FGF10: variants seen among roughly 807,000 people sequenced by gnomAD.
FGF10 encodes the protein FGF-10.
A neutral mutation model predicts 19.8 loss-of-function variants in FGF10; 2 were observed. The ratio of observed to expected loss-of-function variants is 0.10; its 90% CI spans 0.04 to 0.32. FGF10 has a LOEUF of 0.32. Among genes scored for constraint, FGF10 ranks in the 10% least tolerant of loss-of-function variants. The pLI is 1.00. For synonymous variants in FGF10, 112 were observed against 94.0 expected (o/e 1.19, Z -1.10); for missense variants, 191 against 246.3 (o/e 0.78, Z 1.50).
chr5:44,309,845 C>T (rs988230617), intron 2 of FGF10, among the ~76,000 whole-genome samples: 5 of 152,040 alleles, frequency 3.3e-5, no homozygotes, highest in African/African-American at 1.2e-4. Context: ...GGGATACCTG[C>T]TCCACAAGGA....
At chr5:44,321,213 C>T (rs1293012145) in intron 1 of FGF10, among the ~76,000 whole-genome samples, 1 of 152,144 alleles carries the variant, frequency 6.6e-6, no homozygotes, top group Non-Finnish European at 1.5e-5. Flanking sequence ...AAAGTTGGCA[C>T]ATGTTCCTCT....
chr5:44,338,680 C>T (rs1740903388), intron 1 of FGF10, among the ~76,000 whole-genome samples: 1 of 152,124 alleles, frequency 6.6e-6, no homozygotes, highest in South Asian at 2.1e-4. Context: ...AATGTATCTC[C>T]CCAGATTTGA....
At chr5:44,347,935 A>T (rs894712050) in intron 1 of FGF10, among the ~76,000 whole-genome samples, 9 of 151,744 alleles carry the variant, frequency 5.9e-5, no homozygotes, top group Admixed American at 2.6e-4. Context: ...TGTTGGGAAC[A>T]TGCTATATTT....
intron 1 of FGF10, among the ~76,000 whole-genome samples, chr5:44,366,778 G>A (rs1050028222): frequency 1.3e-5 from 2 of 152,016 alleles, no homozygotes; most frequent in African/African-American, 4.8e-5. Flanking sequence ...ATTTGATAGT[G>A]TCTGGATAAT....
intron 1 of FGF10, among the ~76,000 whole-genome samples, chr5:44,367,843 GTTTT>G (rs5867664): frequency 4.1e-5 from 6 of 145,476 alleles, no homozygotes; most frequent in African/African-American, 1.5e-4. Flanking sequence ...TTTGTATGCT[GTTTT>G]TTTTTTTTTT....
At chr5:44,323,087 C>CT (rs1740535350) in intron 1 of FGF10, among the ~76,000 whole-genome samples, 1 of 152,106 alleles carries the variant, frequency 6.6e-6, no homozygotes, top group Admixed American at 6.6e-5. Context: ...TCCTGGCTTT[C>CT]TGGACTACAG....
chr5:44,311,519 C>T (rs1440922312), intron 1 of FGF10, among the ~76,000 whole-genome samples: 1 of 152,070 alleles, frequency 6.6e-6, no homozygotes, highest in African/African-American at 2.4e-5. Context: ...TAGGAGAAGT[C>T]ACTGAAGTGT....
At chr5:44,351,290 C>G (rs1741227018) in intron 1 of FGF10, among the ~76,000 whole-genome samples, 1 of 151,330 alleles carries the variant, frequency 6.6e-6, no homozygotes, top group Non-Finnish European at 1.5e-5. Context: ...ATTTCTCACC[C>G]AACAATAAAC....
At chr5:44,334,332 A>G (rs779938572) in intron 1 of FGF10, among the ~76,000 whole-genome samples, 15 of 152,086 alleles carry the variant, frequency 9.9e-5, no homozygotes, top group Non-Finnish European at 1.9e-4. Context: ...TTCATAGAAT[A>G]TTCTAAGTTT....
chr5:44,360,815 T>C (rs971487435), intron 1 of FGF10, among the ~76,000 whole-genome samples: 10 of 151,688 alleles, frequency 6.6e-5, no homozygotes, highest in Admixed American at 1.3e-4. Context: ...AAGTCACCTG[T>C]AGCAACACAA....
intron 2 of FGF10, among the ~76,000 whole-genome samples, chr5:44,307,843 T>C (rs563449394): frequency 6.6e-6 from 1 of 152,328 alleles, no homozygotes; most frequent in South Asian, 2.1e-4. Flanking sequence ...TTATTCCTAG[T>C]AGAAATGTAA....
Position 44,353,878 on chromosome 5 carries a change from A to C in FGF10, c.325+34480T>G, listed in dbSNP as rs370953483. On this transcript the variant is annotated intron_variant, in intron 1 of 2. Coordinates refer to ENST00000264664, the MANE Select transcript of FGF10 (RefSeq NM_004465.2). Reference sequence around the variant, plus strand: ...GTAGTTCCGGTTTATCCAGCCAGCTAACATGCTTCCATTTCTGAAATAAAA... The same window carrying C: ...GTAGTTCCGGTTTATCCAGCCAGCTCACATGCTTCCATTTCTGAAATAAAA... Among the ~76,000 whole-genome samples the C allele has an allele frequency of 5.3e-5, 8 of 151,624 alleles. No individual in the cohort carries two copies. The East Asian group carries it at 1.6e-3, about 30-fold the overall frequency.
chr5:44,364,479 T>C (rs1436093414), intron 1 of FGF10, among the ~76,000 whole-genome samples: 1 of 151,842 alleles, frequency 6.6e-6, no homozygotes, highest in East Asian at 1.9e-4. Flanking sequence ...ATTCAGTAGG[T>C]GGAGACCAGG....
At position 44,388,710 on chromosome 5, in the gene FGF10, T is replaced by C. The variant is rs761396841; in HGVS notation, c.-28A>G. ...TACTGAAACTCTCGGCACTGGAAAT[T>C]GTCTCATCAGAAGGAACATACTGGA... is the stretch of plus-strand genomic sequence containing the variant. On this transcript the variant is annotated 5_prime_UTR_variant, in exon 1 of 3. Transcript: ENST00000264664. The C allele has an allele frequency of 6.2e-7, 1 of 1,611,652 alleles. No individual in the cohort carries two copies. Among genetic ancestry groups the C allele is most frequent in the Middle Eastern group, 1.7e-4 (1 of 6,044 alleles).
At chr5:44,321,085 C>T (rs983622017) in intron 1 of FGF10, among the ~76,000 whole-genome samples, 4 of 152,108 alleles carry the variant, frequency 2.6e-5, no homozygotes, top group Non-Finnish European at 5.9e-5. Context: ...CTGAGAGCAT[C>T]ATTCTTAGTG....
At chr5:44,375,149 A>G (rs544312623) in intron 1 of FGF10, among the ~76,000 whole-genome samples, 27 of 152,206 alleles carry the variant, frequency 1.8e-4, no homozygotes, top group Non-Finnish European at 3.4e-4. Flanking sequence ...TAATATATAG[A>G]AAGAGGACTT....
In FGF10 at chr5:44,350,197, T is replaced by C. The variant is rs1197881386; in HGVS notation, c.325+38161A>G. On this transcript the variant is annotated intron_variant, in intron 1 of 2. Coordinates refer to ENST00000264664, the MANE Select transcript of FGF10 (RefSeq NM_004465.2). ...ATATATAATAAATGTATATTATCTA[T>C]TATATACATAAATGGTTAAGTAAAC... Among the ~76,000 whole-genome samples, 4 of 150,586 alleles carry C rather than the reference T, an allele frequency of 2.7e-5. No individual in the cohort carries two copies. In the East Asian group the frequency reaches 7.8e-4, roughly 29 times the overall value.
At chr5:44,365,242 A>G (rs1408607248) in intron 1 of FGF10, among the ~76,000 whole-genome samples, 1 of 151,026 alleles carries the variant, frequency 6.6e-6, no homozygotes, top group African/African-American at 2.4e-5. Context: ...GTTGTCTTGT[A>G]GGATTCCAGA....
chr5:44,326,721 G>A (rs1239248498), intron 1 of FGF10, among the ~76,000 whole-genome samples: 1 of 151,976 alleles, frequency 6.6e-6, no homozygotes, highest in Non-Finnish European at 1.5e-5. Flanking sequence ...TTCTTCATAT[G>A]GACCTCATCT....
Sources: gnomAD v4.1 joint callset for allele counts (sites outside exome capture counted in the v4.1 genomes callset) on GRCh38, gnomAD v4.1.1 for gene constraint, MANE v1.5 for transcripts, NCBI Gene and HGNC (gene_info 2026-07-23, HGNC 2026-07-21) for gene names.